SLC39A14: variants seen among roughly 807,000 people sequenced by gnomAD.
SLC39A14 encodes the protein metal cation symporter ZIP14.
In SLC39A14, 19 loss-of-function variants were observed where a neutral mutation model predicts 45.5. The ratio of observed to expected loss-of-function variants is 0.42; its 90% CI spans 0.29 to 0.61. The LOEUF (loss-of-function observed/expected upper bound fraction) is 0.61. Ranked by LOEUF, SLC39A14 falls within the 20% of genes least tolerant of loss-of-function variation. The pLI is 0.22. For synonymous variants in SLC39A14, 264 were observed against 251.3 expected (o/e 1.05, Z -0.48); for missense variants, 447 against 616.5 (o/e 0.73, Z 2.91).
At chr8:22,381,398 G>A (rs953874690) in intron 1 of SLC39A14, among the ~76,000 whole-genome samples, 2 of 152,090 alleles carry the variant, frequency 1.3e-5, no homozygotes, top group African/African-American at 2.4e-5. Context: ...AGCCTCCCAA[G>A]TAGCTGGGAA....
intron 1 of SLC39A14, among the ~76,000 whole-genome samples, chr8:22,386,624 T>C (rs955698079): frequency 6.6e-6 from 1 of 152,218 alleles, no homozygotes; most frequent in Non-Finnish European, 1.5e-5. Flanking sequence ...TATGTGCATA[T>C]GTTAAACTTA....
downstream of SLC39A14, among the ~76,000 whole-genome samples, chr8:22,423,149 CTCTTT>C (rs1836313858): frequency 6.6e-6 from 1 of 151,164 alleles, no homozygotes; most frequent in South Asian, 2.1e-4. Context: ...GTACTCTCTT[CTCTTT>C]TCTTTCTTTG....
At chr8:22,395,840 C>T (rs527771296) in intron 1 of SLC39A14, among the ~76,000 whole-genome samples, 1 of 152,168 alleles carries the variant, frequency 6.6e-6, no homozygotes, top group Non-Finnish European at 1.5e-5. Context: ...GAGTGCAGTT[C>T]TGCTCACATG....
Position 22,419,704 on chromosome 8 carries a change from T to C in SLC39A14, c.*6T>C, listed in dbSNP as rs1836115025. ...GACAGATCCAGATTGGGTAGGGCTC[T>C]GCCAAGAGCCTGTGGGACTGGAAGT... On this transcript the variant is annotated 3_prime_UTR_variant, in exon 9 of 9. Transcript: ENST00000381237. The C allele has an allele frequency of 6.3e-7, 1 of 1,588,712 alleles. No homozygotes were observed. Among genetic ancestry groups the C allele is most frequent in the African/African-American group, 1.4e-5 (1 of 73,922 alleles).
chr8:22,417,942 T>C, intron 8 of SLC39A14, 107 bp downstream of exon 8: 1 of 973,356 alleles, frequency 1.0e-6, no homozygotes, highest in South Asian at 1.8e-5. Context: ...TCACTCTGTC[T>C]CCCAGGCTGG....
intron 1 of SLC39A14, among the ~76,000 whole-genome samples, chr8:22,388,798 A>G (rs1833916417): frequency 6.6e-6 from 1 of 152,166 alleles, no homozygotes; most frequent in South Asian, 2.1e-4. Context: ...GGAGGTTTGG[A>G]CAGCCCGAGG....
chr8:22,401,277 G>A (rs896176495), intron 1 of SLC39A14, among the ~76,000 whole-genome samples: 2 of 152,180 alleles, frequency 1.3e-5, no homozygotes, highest in Admixed American at 1.3e-4. Flanking sequence ...TTCCTCTGTC[G>A]TAAGCAAAGC....
chr8:22,381,861 C>T (rs545243867), intron 1 of SLC39A14, among the ~76,000 whole-genome samples: 1 of 152,188 alleles, frequency 6.6e-6, no homozygotes, highest in East Asian at 1.9e-4. Flanking sequence ...GCAAAGAAGG[C>T]TGGGTGCAGT....
intron 1 of SLC39A14, among the ~76,000 whole-genome samples, chr8:22,386,312 G>A (rs1833790407): frequency 2.0e-5 from 3 of 151,120 alleles, no homozygotes; most frequent in Admixed American, 1.3e-4. Context: ...TGTTGCCCAG[G>A]CTGGAGTGCA....
At chr8:22,427,068 G>T (rs552387867), downstream of SLC39A14, among the ~76,000 whole-genome samples, 20 of 151,924 alleles carry the variant, frequency 1.3e-4, no homozygotes, top group South Asian at 4.2e-3. Context: ...CAAGACAGGC[G>T]GATCACCTGA....
rs190429811 is a variant in SLC39A14 at position 22,371,272 on chromosome 8, G to A, written c.-16+3864G>A. Among the ~76,000 whole-genome samples the A allele has an allele frequency of 3.4e-3, 525 of 152,254 alleles. 4 individuals are homozygous for A. Among genetic ancestry groups the A allele is most frequent in the African/African-American group, 0.012 (482 of 41,546 alleles). The stretch of plus-strand genomic sequence containing the variant: ...CCAAGGGCAGGCCCCAGAGAATCTT[G>A]GGGCTTGGTGGAATGAGAAGGTGAA... On this transcript the variant is annotated intron_variant, in intron 1 of 8. Coordinates refer to ENST00000381237, the MANE Select transcript of SLC39A14 (RefSeq NM_001128431.4).
chr8:22,412,243 G>A (rs1181603623), intron 4 of SLC39A14, 37 bp downstream of exon 4: 20 of 1,545,090 alleles, frequency 1.3e-5, no homozygotes, highest in South Asian at 2.4e-5. Flanking sequence ...GGAGCATGCC[G>A]GCGGGCACAG....
intron 1 of SLC39A14, among the ~76,000 whole-genome samples, chr8:22,379,998 T>C (rs896373328): frequency 6.9e-6 from 1 of 145,090 alleles, no homozygotes; most frequent in Non-Finnish European, 1.5e-5. Context: ...AGAATACAAA[T>C]AAAAAAACAC....
intron 8 of SLC39A14, among the ~76,000 whole-genome samples, chr8:22,418,240 T>C (rs1212944619): frequency 1.3e-5 from 2 of 152,206 alleles, no homozygotes; most frequent in Non-Finnish European, 2.9e-5. Context: ...TTAGCTTTCT[T>C]TCACATACCA....
chr8:22,415,771 T>G lies in SLC39A14; in HGVS notation c.753T>G (p.His251Gln), dbSNP rs772597695. Residue 251 changes from histidine (H) to glutamine (Q), a missense_variant and splice_region_variant, in exon 6 of 9, where the codon CAT (histidine) becomes CAG (glutamine). By Grantham distance (24) the His-to-Gln change is conservative. Transcript: ENST00000381237. ...LKILLKQKNEHHHGHSHYASE... is the reference protein window; with the variant it reads ...LKILLKQKNEQHHGHSHYASE... The stretch of plus-strand genomic sequence containing the variant: ...ATCCCTCCCTGTCACCCTTCCAGCA[T>G]CATCATGGACACAGCCATTATGCCT... 15 of 1,608,142 alleles carry G rather than the reference T, an allele frequency of 9.3e-6. No homozygotes were observed. Among genetic ancestry groups the G allele is most frequent in the South Asian group, 2.2e-5 (2 of 90,102 alleles).
chr8:22,429,985 A>G (rs1160217769), intron 8 of SLC39A14, among the ~76,000 whole-genome samples: 1 of 152,210 alleles, frequency 6.6e-6, no homozygotes, highest in African/African-American at 2.4e-5. Flanking sequence ...GAATGCTGAG[A>G]CAGAAATAAG....
Position 22,385,322 on chromosome 8 carries a change from G to T in SLC39A14, c.-16+17914G>T, listed in dbSNP as rs117942330. Among the ~76,000 whole-genome samples the T allele has an allele frequency of 6.8e-3, 1,041 of 152,294 alleles. 24 individuals carry two copies. The East Asian group carries it at 0.077, about 11-fold the overall frequency. On this transcript the variant is annotated intron_variant, in intron 1 of 8. Coordinates refer to ENST00000381237, the MANE Select transcript of SLC39A14 (RefSeq NM_001128431.4). ...ATGCTTTCAGTGGGTGTTGTTTGGG[G>T]ATGGACACCAGGTACTACCCGGCCC... is the stretch of plus-strand genomic sequence containing the variant.
chr8:22,389,065 C>T (rs952285589), intron 1 of SLC39A14, among the ~76,000 whole-genome samples: 10 of 152,200 alleles, frequency 6.6e-5, no homozygotes, highest in African/African-American at 2.2e-4. Flanking sequence ...TGAGCAGCGG[C>T]GCTTCTTACC....
chr8:22,409,625 A>G (rs532325446), intron 3 of SLC39A14, among the ~76,000 whole-genome samples: 4 of 151,698 alleles, frequency 2.6e-5, no homozygotes, highest in African/African-American at 9.7e-5. Context: ...CAGGTGATCC[A>G]CCTTCCTCAG....
Sources: allele counts gnomAD v4.1 joint callset (sites outside exome capture counted in the v4.1 genomes callset), GRCh38; gene constraint gnomAD v4.1.1; transcripts MANE v1.5; gene names NCBI Gene and HGNC (gene_info 2026-07-23, HGNC 2026-07-21).